Variants in PTGER4 observed in about 807,000 individuals in gnomAD.
PTGER4 encodes the protein prostaglandin E receptor 4, also known as prostaglandin E2 receptor EP4 subtype.
PTGER4 carries 11 observed loss-of-function variants against 33.2 expected under a neutral mutation model. The observed-to-expected ratio is 0.33, with a 90% CI of 0.21 to 0.55. The LOEUF is 0.55. Ranked by LOEUF, PTGER4 falls within the 20% of genes least tolerant of loss-of-function variation. PTGER4 has a pLI of 0.92. For synonymous variants in PTGER4, 275 were observed against 281.5 expected (o/e 0.98, Z 0.23); for missense variants, 481 against 650.2 (o/e 0.74, Z 2.83).
chr5:40,706,736 T>C, the PTGER4 span, among the ~76,000 whole-genome samples: 1 of 151,782 alleles, frequency 6.6e-6, no homozygotes, highest in Non-Finnish European at 1.5e-5. Context: ...AAACTTCTGC[T>C]CTTTAAAAGG....
At chr5:40,707,153 T>C in the PTGER4 span, among the ~76,000 whole-genome samples, 4 of 152,272 alleles carry the variant, frequency 2.6e-5, no homozygotes, top group African/African-American at 9.6e-5. Flanking sequence ...CACATCATAA[T>C]GACAGGATCA....
At chr5:40,696,061 G>A (rs1055679006), downstream of PTGER4, among the ~76,000 whole-genome samples, 8 of 152,134 alleles carry the variant, frequency 5.3e-5, no homozygotes, top group Non-Finnish European at 8.8e-5. Flanking sequence ...CGTACTCCCC[G>A]AATCTAAAAT....
At chr5:40,730,209 G>T in the PTGER4 span, 1 of 1,421,038 alleles carries the variant, frequency 7.0e-7, no homozygotes, top group Non-Finnish European at 9.8e-7. Flanking sequence ...CTCACTCACC[G>T]AACAAACATA....
chr5:40,681,119 G>A lies in PTGER4; in HGVS notation c.126G>A (p.Leu42=). The change falls in exon 2 of 3, where the codon CTG becomes CTA. Residue 42 remains leucine, a synonymous_variant. Coordinates refer to ENST00000302472, the MANE Select transcript of PTGER4 (RefSeq NM_000958.3). The surrounding 1 kb of genome is among the most constrained non-coding windows in gnomAD (Gnocchi z 9.8). ...VVGNLVAIVV[L]CKSRKEQKET... is the part of the protein sequence containing the mutation. ...GCAACCTGGTGGCCATCGTGGTGCTGTGCAAGTCGCGCAAGGAGCAGAAGG... is the reference window on the plus strand; with the variant it reads ...GCAACCTGGTGGCCATCGTGGTGCTATGCAAGTCGCGCAAGGAGCAGAAGG... 2 of 1,614,168 alleles carry A rather than the reference G, an allele frequency of 1.2e-6. No homozygotes were observed. The highest frequency in any genetic ancestry group is 1.7e-6 in the Non-Finnish European group (2 of 1,180,030).
the PTGER4 span, among the ~76,000 whole-genome samples, chr5:40,701,680 A>C: frequency 6.6e-6 from 1 of 152,190 alleles, no homozygotes; most frequent in Non-Finnish European, 1.5e-5. Flanking sequence ...AAATACAGAG[A>C]ATTCCTATAA....
chr5:40,727,245 A>C, the PTGER4 span, among the ~76,000 whole-genome samples: 1 of 152,216 alleles, frequency 6.6e-6, no homozygotes, highest in African/African-American at 2.4e-5. Context: ...GAAACTTTTA[A>C]AATGTTTTAT....
chr5:40,729,652 T>C, the PTGER4 span, among the ~76,000 whole-genome samples: 4 of 152,202 alleles, frequency 2.6e-5, no homozygotes, highest in African/African-American at 9.6e-5. Flanking sequence ...GGAAAGCGTA[T>C]GTTTTTCATC....
Position 40,681,194 on chromosome 5 carries a change from G to C in PTGER4, c.201G>C (p.Leu67Phe). ...GTGGGCTGGCTGTCACCGACCTGTT[G>C]GGCACTTTGTTGGTGAGCCCGGTGA... ...LVCGLAVTDL[L>F]GTLLVSPVTI... is the part of the protein sequence containing the mutation. Residue 67 changes from leucine to phenylalanine, a missense_variant, in exon 2 of 3, where the codon TTG becomes TTC. By Grantham distance (22) the Leu-to-Phe change is conservative (BLOSUM62 0). This residue lies in a region of PTGER4 where 61 missense variants were observed against 145.2 expected (regional missense o/e 0.42). Coordinates refer to ENST00000302472, the MANE Select transcript of PTGER4 (RefSeq NM_000958.3). The surrounding 1 kb of genome is among the most constrained non-coding windows in gnomAD (Gnocchi z 9.8). 2 of 1,614,152 alleles carry C rather than the reference G, an allele frequency of 1.2e-6. No homozygotes were observed. The highest frequency in any genetic ancestry group is 1.7e-6 in the Non-Finnish European group (2 of 1,180,042).
chr5:40,705,313 C>T, the PTGER4 span, among the ~76,000 whole-genome samples: 1 of 152,126 alleles, frequency 6.6e-6, no homozygotes, highest in African/African-American at 2.4e-5. Context: ...ACACCATATA[C>T]AAAAATCAAC....
intron 2 of PTGER4, among the ~76,000 whole-genome samples, chr5:40,686,736 A>G (rs943813883): frequency 2.6e-5 from 4 of 152,148 alleles, no homozygotes; most frequent in Non-Finnish European, 4.4e-5. Context: ...TGAATAACAT[A>G]ATTTAAAAAA....
chr5:40,742,508 G>A, the PTGER4 span, among the ~76,000 whole-genome samples: 1 of 152,162 alleles, frequency 6.6e-6, no homozygotes, highest in Non-Finnish European at 1.5e-5. Flanking sequence ...CTGGTCAACA[G>A]CAGAACTAGG....
At chr5:40,715,340 T>C in the PTGER4 span, 1 of 152,352 alleles carries the variant, frequency 6.6e-6, no homozygotes, top group African/African-American at 2.4e-5. Context: ...ACTGGGATAA[T>C]ATAGCAGTAC....
At chr5:40,682,973 T>C (rs915287815) in intron 2 of PTGER4, among the ~76,000 whole-genome samples, 1 of 152,260 alleles carries the variant, frequency 6.6e-6, no homozygotes, top group African/African-American at 2.4e-5. Context: ...TTTTCTACTT[T>C]GCCTGTGGCT....
At chr5:40,698,548 A>G (rs1004565521), downstream of PTGER4, among the ~76,000 whole-genome samples, 1 of 152,226 alleles carries the variant, frequency 6.6e-6, no homozygotes, top group Non-Finnish European at 1.5e-5. Context: ...TTCAAAAAAT[A>G]TACTGTTCTT....
At chr5:40,725,463 G>A in the PTGER4 span, among the ~76,000 whole-genome samples, 1 of 152,146 alleles carries the variant, frequency 6.6e-6, no homozygotes, top group African/African-American at 2.4e-5. Context: ...GCTAAAATGA[G>A]ACTTGGAAAA....
At chr5:40,713,356 G>A in the PTGER4 span, among the ~76,000 whole-genome samples, 1 of 152,070 alleles carries the variant, frequency 6.6e-6, no homozygotes, top group Non-Finnish European at 1.5e-5. Flanking sequence ...ACAACTAAAA[G>A]GGCTATACTG....
the PTGER4 span, among the ~76,000 whole-genome samples, chr5:40,744,532 G>A: frequency 9.3e-5 from 12 of 128,560 alleles, no homozygotes; most frequent in Non-Finnish European, 1.5e-4. Flanking sequence ...AGTGTGTCTT[G>A]CTTAGTATTA....
At chr5:40,726,328 T>G in the PTGER4 span, among the ~76,000 whole-genome samples, 1 of 151,872 alleles carries the variant, frequency 6.6e-6, no homozygotes, top group African/African-American at 2.4e-5. Flanking sequence ...TTACTGCCTG[T>G]GCTATTTACA....
the PTGER4 span, chr5:40,716,342 G>A: frequency 6.2e-7 from 1 of 1,614,156 alleles, no homozygotes; most frequent in Non-Finnish European, 8.5e-7. Context: ...ATTGACTTTG[G>A]TGAAAAGTGT....
Sources: allele counts gnomAD v4.1 joint callset (sites outside exome capture counted in the v4.1 genomes callset), GRCh38; gene constraint gnomAD v4.1.1; regional missense constraint gnomAD v4.1.1; non-coding constraint Gnocchi (gnomAD v3.1); transcripts MANE v1.5; gene names NCBI Gene and HGNC (gene_info 2026-07-23, HGNC 2026-07-21).